Variants in IQSEC1 observed in about 807,000 individuals in gnomAD.
IQSEC1 encodes IQ motif and SEC7 domain-containing protein 1.
In IQSEC1, 31 loss-of-function variants were observed where a neutral mutation model predicts 91.0. That is an observed-to-expected ratio of 0.34 (90% CI 0.26 to 0.46). The LOEUF (loss-of-function observed/expected upper bound fraction) is 0.46. IQSEC1 is among the 20% of genes least tolerant of loss of function. The pLI, the probability that IQSEC1 is intolerant of heterozygous loss-of-function variation, is 1.00. For synonymous variants in IQSEC1, 699 were observed against 662.6 expected (o/e 1.05, Z -0.84); for missense variants, 1,388 against 1,575.6 (o/e 0.88, Z 2.02).
upstream of IQSEC1, among the ~76,000 whole-genome samples, chr3:13,075,504 C>T (rs1216288326): frequency 6.6e-6 from 1 of 152,214 alleles, no homozygotes; most frequent in African/African-American, 2.4e-5. Flanking sequence ...GAGTGTGGAG[C>T]ACCCAGTGTC....
chr3:13,053,912 G>T (rs1704785123), intron 1 of IQSEC1, among the ~76,000 whole-genome samples: 1 of 152,226 alleles, frequency 6.6e-6, no homozygotes, highest in Admixed American at 6.5e-5. Context: ...ACTCCCTGGG[G>T]ATACCCCAGT....
intron 2 of IQSEC1, among the ~76,000 whole-genome samples, chr3:13,113,095 T>C (rs1002472615): frequency 6.6e-6 from 1 of 152,136 alleles, no homozygotes; most frequent in African/African-American, 2.4e-5. Context: ...GTGGCAGGTG[T>C]GGGCTGCCAC....
rs114415916 is a variant in IQSEC1 at position 13,108,308 on chromosome 3, C to A, written c.302+55796G>T. Among the ~76,000 whole-genome samples the A allele has an allele frequency of 5.0e-3, 759 of 152,250 alleles. 4 individuals carry two copies. The highest frequency in any genetic ancestry group is 0.018 in the African/African-American group (727 of 41,540). ...AATCCCTAAGTTTTGTTATTGCTAACATTTTGTGATCATAAAGCAGTGTGG... is the reference window on the plus strand; with the variant it reads ...AATCCCTAAGTTTTGTTATTGCTAAAATTTTGTGATCATAAAGCAGTGTGG... On this transcript the variant is annotated intron_variant, in intron 2 of 15. Transcript: ENST00000648114.
At chr3:13,249,162 A>C (rs966373466) in intron 1 of IQSEC1, among the ~76,000 whole-genome samples, 1 of 147,596 alleles carries the variant, frequency 6.8e-6, no homozygotes, top group Non-Finnish European at 1.5e-5. Flanking sequence ...TGGGGGAAGG[A>C]ATTTCTTTTT....
At chr3:13,156,064 C>CAA (rs34638350) in intron 2 of IQSEC1, among the ~76,000 whole-genome samples, 1 of 129,872 alleles carries the variant, frequency 7.7e-6, no homozygotes, top group Non-Finnish European at 1.6e-5. Flanking sequence ...ACTAAAAATA[C>CAA]AAAAAAAAAA....
At position 13,008,656 on chromosome 3, in the gene IQSEC1, C is replaced by A. The variant is rs1235582048; in HGVS notation, c.23+64336G>T. On this transcript the variant is annotated intron_variant, in intron 1 of 13. Transcript: ENST00000613206. This position sits in a 1 kb window ranked among gnomAD's most constrained non-coding sequence, Gnocchi z 4.1. ...TTGTCACCTCTCTGCCTCCCCCAACCCCCAAATGCCAGCTCTGTGAGGGAG... is the reference window on the plus strand; with the variant it reads ...TTGTCACCTCTCTGCCTCCCCCAACACCCAAATGCCAGCTCTGTGAGGGAG... 6.6e-6 allele frequency among the ~76,000 whole-genome samples: 1 copy of A among 152,218 alleles called. No individual in the cohort carries two copies. The highest frequency in any genetic ancestry group is 1.5e-5 in the Non-Finnish European group (1 of 68,040).
At chr3:13,161,221 G>C (rs1041853285) in intron 2 of IQSEC1, among the ~76,000 whole-genome samples, 1 of 152,314 alleles carries the variant, frequency 6.6e-6, no homozygotes, top group South Asian at 2.1e-4. Context: ...TGGAAGCGCA[G>C]CTGCGCTGGT....
At chr3:12,990,096 A>C (rs140383614) in intron 1 of IQSEC1, among the ~76,000 whole-genome samples, 52 of 152,336 alleles carry the variant, frequency 3.4e-4, no homozygotes, top group African/African-American at 1.1e-3. Context: ...ACCCCTCGGC[A>C]CTTGGCTTTA....
chr3:13,261,639 A>T (rs6442365), intron 1 of IQSEC1, among the ~76,000 whole-genome samples: 57,640 of 151,344 alleles, frequency 0.38, 14,038 homozygotes, highest in African/African-American at 0.71. Context: ...CTGGTGACCA[A>T]GCATCTGTCC....
At chr3:13,245,660 G>C (rs1418271477) in intron 1 of IQSEC1, among the ~76,000 whole-genome samples, 1 of 152,050 alleles carries the variant, frequency 6.6e-6, no homozygotes, top group Non-Finnish European at 1.5e-5. Flanking sequence ...CCAGTTACTG[G>C]GGAGGCTGAG....
chr3:13,030,316 C>T (rs528227922), intron 1 of IQSEC1, among the ~76,000 whole-genome samples: 112 of 152,298 alleles, frequency 7.4e-4, no homozygotes, highest in African/African-American at 2.3e-3. Context: ...AGGCTGGTCT[C>T]GAACTCCTCC....
intron 1 of IQSEC1, among the ~76,000 whole-genome samples, chr3:12,945,293 T>C (rs1312083501): frequency 6.6e-6 from 1 of 152,008 alleles, no homozygotes; most frequent in Non-Finnish European, 1.5e-5. Flanking sequence ...CCTGGGTTCC[T>C]GGCTGCCCTG....
intron 9 of IQSEC1, among the ~76,000 whole-genome samples, chr3:12,912,998 G>A (rs2125104180): frequency 6.6e-6 from 1 of 152,352 alleles, no homozygotes; most frequent in South Asian, 2.1e-4. Context: ...AGGGAGGGAT[G>A]TGCAGCGACA....
At chr3:12,953,996 G>A (rs781253169) in intron 1 of IQSEC1, among the ~76,000 whole-genome samples, 10 of 152,212 alleles carry the variant, frequency 6.6e-5, no homozygotes, top group Non-Finnish European at 1.5e-4. Flanking sequence ...CTCAGACATG[G>A]CTGGTTCTCA....
intron 1 of IQSEC1, among the ~76,000 whole-genome samples, chr3:12,985,579 C>G (rs1189546186): frequency 6.6e-6 from 1 of 152,032 alleles, no homozygotes; most frequent in Admixed American, 6.6e-5. Context: ...CCAGCACCCA[C>G]AAATATGTGT....
In IQSEC1 at chr3:12,913,413, G is replaced by A; in HGVS notation, c.2316+15C>T. On this transcript the variant is annotated intron_variant, in intron 9 of 13. Transcript: ENST00000613206. ...TGAGGTCCCTGCTACAATGCCTTGTGGGTGAGCCACATACCACCAGGAGGT... is the reference window on the plus strand; with the variant it reads ...TGAGGTCCCTGCTACAATGCCTTGTAGGTGAGCCACATACCACCAGGAGGT... 1 of 1,581,288 alleles carries A rather than the reference G, an allele frequency of 6.3e-7. No homozygotes were observed.
At position 13,275,872 on chromosome 3, in the gene IQSEC1, C is replaced by T. The variant is rs1457420404; in HGVS notation, c.272+6839G>A. Among the ~76,000 whole-genome samples the T allele has an allele frequency of 3.3e-5, 5 of 152,214 alleles. No homozygotes were observed. The South Asian group carries it at 6.2e-4, about 19-fold the overall frequency. On this transcript the variant is annotated intron_variant, in intron 1 of 15. Transcript: ENST00000648114. ...AGTGCAGGGCCCGGCTCCTGGGCCA[C>T]AGCAGGCGCTCTACCGATGTGAGCT...
At chr3:13,061,560 T>C (rs1042125283) in intron 1 of IQSEC1, among the ~76,000 whole-genome samples, 1 of 151,690 alleles carries the variant, frequency 6.6e-6, no homozygotes, top group African/African-American at 2.4e-5. Context: ...CCCACCAAGG[T>C]CCACAGAGCC....
chr3:12,923,412 C>T (rs1696813370), intron 4 of IQSEC1, among the ~76,000 whole-genome samples: 1 of 152,178 alleles, frequency 6.6e-6, no homozygotes, highest in South Asian at 2.1e-4. Flanking sequence ...GGGCAGTAGC[C>T]ACCCTAACGA....
Sources: allele counts gnomAD v4.1 joint callset (sites outside exome capture counted in the v4.1 genomes callset), GRCh38; gene constraint gnomAD v4.1.1; non-coding constraint Gnocchi (gnomAD v3.1); transcripts MANE v1.5; gene names NCBI Gene and HGNC (gene_info 2026-07-23, HGNC 2026-07-21).